Variants in CDC14A observed in about 807,000 individuals in gnomAD.
CDC14A encodes the protein dual specificity protein phosphatase CDC14A.
Under a neutral mutation model 74.4 loss-of-function variants are expected in CDC14A, and 53 were observed. The ratio of observed to expected loss-of-function variants is 0.71; its 90% CI spans 0.57 to 0.89. The LOEUF (loss-of-function observed/expected upper bound fraction) is 0.89, where lower values mean the gene tolerates loss of function less well. Among genes scored for constraint, CDC14A ranks in the 40% least tolerant of loss-of-function variants. The pLI, the probability that CDC14A is intolerant of heterozygous loss-of-function variation, is 0.00. For synonymous variants in CDC14A, 247 were observed against 258.4 expected (o/e 0.96, Z 0.43); for missense variants, 646 against 713.7 (o/e 0.91, Z 1.08).
chr1:100,462,542 C>G, intron 8 of CDC14A, 109 bp from the exon 9 acceptor site: 1 of 826,922 alleles, frequency 1.2e-6, no homozygotes, highest in East Asian at 2.6e-5. Context: ...ACACACTTTC[C>G]TCCCAAGCTT....
At chr1:100,476,835 A>C (rs553838679) in intron 10 of CDC14A, among the ~76,000 whole-genome samples, 1 of 152,294 alleles carries the variant, frequency 6.6e-6, no homozygotes, top group East Asian at 1.9e-4. Flanking sequence ...ATGTTACTGT[A>C]TATGGAAAAA....
chr1:100,501,282 T>C (rs1192955128), intron 15 of CDC14A, among the ~76,000 whole-genome samples: 1 of 152,242 alleles, frequency 6.6e-6, no homozygotes, highest in Non-Finnish European at 1.5e-5. Context: ...CAGCCTCTTC[T>C]TTTGGATCAG....
At chr1:100,468,162 GT>G in intron 10 of CDC14A, 68 bp downstream of exon 10, 1 of 1,564,530 alleles carries the variant, frequency 6.4e-7, no homozygotes. Flanking sequence ...TGTTCCCCTG[GT>G]TGTGGACCAT....
At chr1:100,473,224 T>A (rs1668557076) in intron 10 of CDC14A, among the ~76,000 whole-genome samples, 1 of 152,116 alleles carries the variant, frequency 6.6e-6, no homozygotes, top group African/African-American at 2.4e-5. Flanking sequence ...TTTATTTAGA[T>A]CTTCTTTGAT....
At chr1:100,507,617 A>G (rs969512468) in intron 15 of CDC14A, among the ~76,000 whole-genome samples, 6 of 150,610 alleles carry the variant, frequency 4.0e-5, no homozygotes, top group Non-Finnish European at 7.4e-5. Flanking sequence ...CTTTTTGGAT[A>G]TTGCTTTACT....
At chr1:100,507,057 C>G (rs2101467373) in intron 15 of CDC14A, among the ~76,000 whole-genome samples, 1 of 152,300 alleles carries the variant, frequency 6.6e-6, no homozygotes, top group South Asian at 2.1e-4. Flanking sequence ...ATTAATAAAG[C>G]TATAGCTAAT....
Position 100,411,877 on chromosome 1 carries a change from G to A in CDC14A, c.310-12345G>A, listed in dbSNP as rs114648188. 1.4e-3 allele frequency among the ~76,000 whole-genome samples: 215 copies of A among 152,288 alleles called. 1 individual carries two copies. Among genetic ancestry groups the A allele is most frequent in the African/African-American group, 5.1e-3 (210 of 41,534 alleles). ...CAAGTTGGTGATGTGCTGGTGACTG[G>A]CTGGCTACTTCAGATTGGAAGTTCA... On this transcript the variant is annotated intron_variant, in intron 4 of 15. Transcript: ENST00000336454.
intron 4 of CDC14A, among the ~76,000 whole-genome samples, chr1:100,409,314 G>T (rs1006617776): frequency 1.3e-5 from 2 of 152,220 alleles, no homozygotes; most frequent in African/African-American, 2.4e-5. Flanking sequence ...GATGAGATTT[G>T]GGTGGGGACA....
chr1:100,403,273 A>C (rs1659515619), intron 4 of CDC14A, among the ~76,000 whole-genome samples: 4 of 152,248 alleles, frequency 2.6e-5, no homozygotes, highest in Admixed American at 2.0e-4. Flanking sequence ...GGTGTAAAGC[A>C]TACTGATATT....
At chr1:100,403,377 A>T (rs1196761174) in intron 4 of CDC14A, among the ~76,000 whole-genome samples, 1 of 152,212 alleles carries the variant, frequency 6.6e-6, no homozygotes, top group Non-Finnish European at 1.5e-5. Flanking sequence ...ACTGCAAAAC[A>T]TAGCCATTGG....
At chr1:100,355,139 G>A (rs1160484299) in intron 2 of CDC14A, among the ~76,000 whole-genome samples, 2 of 152,222 alleles carry the variant, frequency 1.3e-5, no homozygotes, top group Admixed American at 6.5e-5. Context: ...ACAGGATGGA[G>A]TTATGTGCGG....
chr1:100,491,570 A>ATTTTTTT (rs1181639723), intron 11 of CDC14A, among the ~76,000 whole-genome samples: 3 of 64,916 alleles, frequency 4.6e-5, no homozygotes, highest in African/African-American at 1.6e-4. Context: ...ATATATATAT[A>ATTTTTTT]TATTTTTTTT....
At chr1:100,371,564 A>T (rs965346773) in intron 2 of CDC14A, among the ~76,000 whole-genome samples, 4 of 152,178 alleles carry the variant, frequency 2.6e-5, no homozygotes, top group African/African-American at 9.7e-5. Flanking sequence ...CACATTTTAA[A>T]AAAATGTTTA....
chr1:100,420,229 T>C (rs924057220), intron 4 of CDC14A, among the ~76,000 whole-genome samples: 7 of 137,106 alleles, frequency 5.1e-5, no homozygotes, highest in African/African-American at 1.6e-4. Flanking sequence ...CATTAGCAAA[T>C]TCATGACCCA....
intron 4 of CDC14A, chr1:100,393,132 A>T: frequency 6.7e-7 from 1 of 1,491,232 alleles, no homozygotes. Context: ...GTTCAGTCTC[A>T]TAATTCTTAC....
intron 2 of CDC14A, among the ~76,000 whole-genome samples, chr1:100,369,759 G>A (rs141254573): frequency 6.6e-6 from 1 of 151,902 alleles, no homozygotes; most frequent in African/African-American, 2.4e-5. Flanking sequence ...TTTGCTTTTT[G>A]AGGACTTAGT....
intron 3 of CDC14A, among the ~76,000 whole-genome samples, chr1:100,388,714 C>T (rs1316598340): frequency 1.3e-5 from 2 of 152,142 alleles, no homozygotes; most frequent in East Asian, 1.9e-4. Context: ...TTAAGTGATA[C>T]TCCTATCCAG....
At position 100,455,425 on chromosome 1, in the gene CDC14A, C is replaced by T; in HGVS notation, c.540C>T (p.Phe180=). The stretch of plus-strand genomic sequence containing the variant: ...GCCAGCGAGTTGAAAATGGTGACTT[C>T]AACTGGATTGTTCCAGGAAAATTTT... The part of the protein sequence containing the change: ...EHYERVENGD[F]NWIVPGKFLA... Residue 180 remains phenylalanine (F), a synonymous_variant, in exon 8 of 16, where the codon TTC becomes TTT. Transcript: ENST00000336454. 6.2e-7 allele frequency: 1 copy of T among 1,603,492 alleles called. No homozygotes were observed. The highest frequency in any genetic ancestry group is 8.5e-7 in the Non-Finnish European group (1 of 1,176,486).
chr1:100,474,592 T>C (rs1171150465), intron 10 of CDC14A, among the ~76,000 whole-genome samples: 1 of 143,426 alleles, frequency 7.0e-6, no homozygotes, highest in Admixed American at 7.4e-5. Context: ...ATTGTCAAAA[T>C]TATGTTTGTG....
Sources: allele counts gnomAD v4.1 joint callset (sites outside exome capture counted in the v4.1 genomes callset), GRCh38; gene constraint gnomAD v4.1.1; transcripts MANE v1.5; gene names NCBI Gene and HGNC (gene_info 2026-07-23, HGNC 2026-07-21).